The following HCFC1 variants were observed in gnomAD, a reference collection of about 807,000 sequenced individuals.
HCFC1 encodes host cell factor C1.
HCFC1 carries 7 observed loss-of-function variants against 105.5 expected under a neutral mutation model. The ratio of observed to expected loss-of-function variants is 0.07; its 90% CI spans 0.04 to 0.12. The LOEUF (loss-of-function observed/expected upper bound fraction) is 0.12. Among genes scored for constraint, HCFC1 ranks in the 10% least tolerant of loss-of-function variants. The probability of loss-of-function intolerance (pLI) is 1.00; values close to 1 mark genes in which losing one functional copy is unlikely to be tolerated. For synonymous variants in HCFC1, 918 were observed against 828.1 expected (o/e 1.11, Z -1.86); for missense variants, 1,065 against 1,823.6 (o/e 0.58, Z 7.58).
rs1416560803 is a variant in HCFC1, at chrX:153,951,855, G to A, written c.5246C>T (p.Ser1749Leu). 3 of 1,193,756 alleles carry A rather than the reference G, an allele frequency of 2.5e-6. No homozygotes were observed. Among genetic ancestry groups the A allele is most frequent in the Non-Finnish European group, 3.4e-6 (3 of 885,211 alleles). Residue 1749 changes from serine (S) to leucine (L), a missense_variant, in exon 20 of 26, where the codon TCA becomes TTA. By Grantham distance (145) the Ser-to-Leu change is moderately radical (BLOSUM62 -2). Coordinates refer to ENST00000310441, the MANE Select transcript of HCFC1 (RefSeq NM_005334.3). ...CAGTCGCTTACTCTCAGTGGCCGTT[G>A]AGGGCAGCAGCGCCACAGTGCTGGG... Reference protein sequence around the residue: ...TVPSTVALLPSTATESLAPSN... With the variant: ...TVPSTVALLPLTATESLAPSN...
Position 153,971,445 on chromosome X carries a change from G to A in HCFC1, c.-605C>T. Reference sequence around the variant, plus strand: ...AACAGCCTCGACACACCTAACGAATGGAGGCGGGCCGGAGGCCGGTGGAAC... The same window carrying A: ...AACAGCCTCGACACACCTAACGAATAGAGGCGGGCCGGAGGCCGGTGGAAC... On this transcript the variant is annotated 5_prime_UTR_variant, in exon 1 of 26. Transcript: ENST00000310441. The A allele has an allele frequency of 3.4e-6, 1 of 294,940 alleles. No individual in the cohort carries two copies. Among genetic ancestry groups the A allele is most frequent in the Non-Finnish European group, 5.9e-6 (1 of 168,660 alleles). 24.3% of individuals were successfully genotyped at this position (294,940 alleles called of 1,213,427 possible). A position where few individuals can be genotyped will look rare whatever the true frequency, so the allele number is the denominator to read the frequency against.
chrX:153,967,144 A>AC (rs782063478), intron 1 of HCFC1, among the ~76,000 whole-genome samples: 10 of 112,152 alleles, frequency 8.9e-5, no homozygotes, highest in African/African-American at 3.2e-4. Context: ...CTGAAAGCAC[A>AC]CGAGCAAGCT....
Position 153,955,423 on chromosome X carries a change from G to A in HCFC1, c.2976C>T (p.Ala992=), listed in dbSNP as rs374301198. ...LASPTTEQPT[A]TVTIADSGQG... ...GGCCTGAGTCGGCGATGGTAACTGT[G>A]GCGGTGGGCTGTTCTGTAGTCGGGG... Residue 992 remains alanine (A), a synonymous_variant, in exon 17 of 26, where the codon GCC becomes GCT. Transcript: ENST00000310441. 3.3e-6 allele frequency: 4 copies of A among 1,209,875 alleles called. No homozygotes were observed. The African/African-American group carries it at 7.0e-5, about 21-fold the overall frequency.
chrX:153,962,559 G>T (rs1264743495), intron 4 of HCFC1, among the ~76,000 whole-genome samples: 3 of 112,579 alleles, frequency 2.7e-5, no homozygotes, highest in African/African-American at 9.7e-5. Context: ...AGCCAGGACT[G>T]CACTCTGTGC....
At position 153,958,770 on chromosome X, in the gene HCFC1, C is replaced by T; in HGVS notation, c.1606-4G>A. 1.7e-6 allele frequency: 2 copies of T among 1,154,175 alleles called. No homozygotes were observed. The highest frequency in any genetic ancestry group is 2.3e-6 in the Non-Finnish European group (2 of 862,920). ...TCTGTGGGCTACTGCCAATCACCTG[C>T]AGCAGGCACGGGCATGTGAGGCCAG... is the stretch of plus-strand genomic sequence containing the variant. On this transcript the variant is annotated splice_region_variant and splice_polypyrimidine_tract_variant and intron_variant, in intron 9 of 25. Coordinates refer to ENST00000310441, the MANE Select transcript of HCFC1 (RefSeq NM_005334.3).
Position 153,952,295 on chromosome X carries a change from C to T in HCFC1, c.4943-137G>A, listed in dbSNP as rs971150128. ...GCTCCACTGTAGGCTAAGCCCTGGC[C>T]GAGGGGCCCTGCCTGTTTCCCAGGC... On this transcript the variant is annotated intron_variant, in intron 19 of 25. Transcript: ENST00000310441. 1.8e-5 allele frequency: 18 copies of T among 1,025,448 alleles called. No individual in the cohort carries two copies. In the African/African-American group the frequency reaches 2.3e-4, roughly 13 times the overall value. The allele number at this position is 1,025,448 out of a possible 1,213,427, so 84.5% of individuals were successfully genotyped here. A position where few individuals can be genotyped will look rare whatever the true frequency, so the allele number is the denominator to read the frequency against.
chrX:153,970,627 C>T (rs2065523296), intron 1 of HCFC1, 21 bp downstream of exon 1: 1 of 1,166,134 alleles, frequency 8.6e-7, no homozygotes, highest in East Asian at 3.1e-5. Context: ...GAGCCGAAGA[C>T]CCAGCGGGCT....
In HCFC1 at chrX:153,955,015, G is replaced by A. The variant is rs1569546750; in HGVS notation, c.3384C>T (p.Gly1128=). The A allele has an allele frequency of 6.6e-6, 8 of 1,209,649 alleles. No individual in the cohort carries two copies. The highest frequency in any genetic ancestry group is 7.8e-6 in the Non-Finnish European group (7 of 894,575). Residue 1128 remains glycine, a synonymous_variant, in exon 17 of 26, where the codon GGC becomes GGT. Transcript: ENST00000310441. ...GACGGGCATCTCGCTGGTGGTTGGC[G>A]CCGACGCTCGACATGGCTGTAGTGG... ...NTATTAMSSV[G]ANHQRDARRA... is the part of the protein sequence containing the mutation.
chrX:153,957,193 G>T, intron 13 of HCFC1, 121 bp downstream of exon 13: 1 of 966,818 alleles, frequency 1.0e-6, no homozygotes. Flanking sequence ...GACACAAAAG[G>T]CAGCAAGGAG....
In HCFC1 at chrX:153,955,205, C is replaced by A. The variant is rs1311007593; in HGVS notation, c.3194G>T (p.Gly1065Val). 8.3e-7 allele frequency: 1 copy of A among 1,209,826 alleles called. No individual in the cohort carries two copies. The highest frequency in any genetic ancestry group is 1.8e-5 in the South Asian group (1 of 56,828). Reference sequence around the variant, plus strand: ...TCGGACCACGCTACCATTCTGCTGGCCCACAGTCGAGGTCACAAGAGAAGC... The same window carrying A: ...TCGGACCACGCTACCATTCTGCTGGACCACAGTCGAGGTCACAAGAGAAGC... The part of the protein sequence containing the change: ...AAASLVTSTV[G>V]QQNGSVVRVC... The change falls in exon 17 of 26, where the codon GGC becomes GTC. Residue 1065 changes from glycine to valine, a missense_variant. By Grantham distance (109) the Gly-to-Val change is moderately radical. Around this residue, in one of 17 missense-constraint regions of HCFC1, gnomAD observed 546 missense variants for 599.9 expected, o/e 0.91. Coordinates refer to ENST00000310441, the MANE Select transcript of HCFC1 (RefSeq NM_005334.3).
intron 24 of HCFC1, 49 bp from the exon 25 acceptor site, chrX:153,949,665 G>T: frequency 9.3e-7 from 1 of 1,076,723 alleles, no homozygotes; most frequent in Non-Finnish European, 1.3e-6. Context: ...CAGAACGAGA[G>T]CAAGGAACAC....
At position 153,965,424 on chromosome X, in the gene HCFC1, T is replaced by A. The variant is rs1300480696; in HGVS notation, c.194-698A>T. ...GGGAAATCAGACCTTAGGCACTGCT[T>A]TGCTTCCACAGGATGGCACAGCAGC... On this transcript the variant is annotated intron_variant, in intron 1 of 25. Transcript: ENST00000310441. Among the ~76,000 whole-genome samples the A allele has an allele frequency of 4.7e-5, 3 of 63,525 alleles. No homozygotes were observed. The East Asian group carries it at 1.5e-3, about 32-fold the overall frequency. The allele number at this position is 63,525 out of a possible 115,157, so 55.2% of individuals were successfully genotyped here.
intron 9 of HCFC1, 100 bp downstream of exon 9, chrX:153,959,231 G>A (rs2148586350): frequency 1.1e-6 from 1 of 893,034 alleles, no homozygotes; most frequent in Non-Finnish European, 1.6e-6. Flanking sequence ...TGGGGTGCGT[G>A]GTACCAGAGC....
chrX:153,954,379 C>T lies in HCFC1; in HGVS notation c.4020G>A (p.Gly1340=). Residue 1340 remains glycine (G), a synonymous_variant, in exon 17 of 26, where the codon GGG becomes GGA. Transcript: ENST00000310441. ...GCCCACCCTCGGGCTGGCCCGTGCCCCCGTTTGAAGTAGCGGTGGTGGCCG... is the reference window on the plus strand; with the variant it reads ...GCCCACCCTCGGGCTGGCCCGTGCCTCCGTTTGAAGTAGCGGTGGTGGCCG... ...THTATTATSN[G]GTGQPEGGQQ... is the part of the protein sequence containing the mutation. 1 of 1,208,641 alleles carries T rather than the reference C, an allele frequency of 8.3e-7. No individual in the cohort carries two copies. The highest frequency in any genetic ancestry group is 1.1e-6 in the Non-Finnish European group (1 of 894,006).
chrX:153,950,732 A>G, intron 23 of HCFC1, 81 bp downstream of exon 23: 1 of 1,022,458 alleles, frequency 9.8e-7, no homozygotes, highest in South Asian at 2.0e-5. Flanking sequence ...TAGCTCTCCT[A>G]TGCCCCCCCC....
rs1557111900 is a variant in HCFC1, at chrX:153,949,582, G to T, written c.6039C>A (p.Ala2013=). ...TSKDSSGTKP[A]NKRPMSSPEM... is the part of the protein sequence containing the mutation. ...CTGGAGAGGACATGGGCCGCTTGTT[G>T]GCTGGCTTGGTGCCAGAGCTGTCTT... Residue 2013 remains alanine (A), a synonymous_variant, in exon 25 of 26, where the codon GCC becomes GCA. Coordinates refer to ENST00000310441, the MANE Select transcript of HCFC1 (RefSeq NM_005334.3). The T allele has an allele frequency of 8.3e-7, 1 of 1,211,258 alleles. No individual in the cohort carries two copies. Among genetic ancestry groups the T allele is most frequent in the South Asian group, 1.8e-5 (1 of 57,005 alleles).
chrX:153,957,379 G>A lies in HCFC1; in HGVS notation c.2288C>T (p.Pro763Leu). 1 of 1,208,645 alleles carries A rather than the reference G, an allele frequency of 8.3e-7. No individual in the cohort carries two copies. The highest frequency in any genetic ancestry group is 1.1e-6 in the Non-Finnish European group (1 of 893,451). Residue 763 changes from proline to leucine, a missense_variant, in exon 13 of 26, where the codon CCC becomes CTC. By Grantham distance (98) the Pro-to-Leu change is moderately conservative. This residue lies in a region of HCFC1 where 137 missense variants were observed against 378.2 expected (regional missense o/e 0.36). Transcript: ENST00000310441. ...GGTTTTGATGATGGTGGTCGTGCCG[G>A]GCTTGGTGGTACTGGGGGAGACGCT... The part of the protein sequence containing the change: ...ISSVSPSTTK[P>L]GTTTIIKTIP...
chrX:153,970,742 G>A lies in HCFC1; in HGVS notation c.99C>T (p.Arg33=), dbSNP rs372912123. 3 of 1,204,727 alleles carry A rather than the reference G, an allele frequency of 2.5e-6. No homozygotes were observed. The highest frequency in any genetic ancestry group is 3.4e-6 in the Non-Finnish European group (3 of 891,880). The change falls in exon 1 of 26, where the codon CGC becomes CGT. Residue 33 remains arginine, a synonymous_variant. Coordinates refer to ENST00000310441, the MANE Select transcript of HCFC1 (RefSeq NM_005334.3). Reference sequence around the variant, plus strand: ...TGATGGCCACGGCGCGGTGGCCGTGGCGGGGCCGTGGCACCGGACCCGACC... The same window carrying A: ...TGATGGCCACGGCGCGGTGGCCGTGACGGGGCCGTGGCACCGGACCCGACC... The part of the protein sequence containing the change: ...VGWSGPVPRP[R]HGHRAVAIKE...
chrX:153,965,161 C>A, intron 1 of HCFC1, among the ~76,000 whole-genome samples: 1 of 111,123 alleles, frequency 9.0e-6, no homozygotes, highest in South Asian at 3.8e-4. Context: ...TTTCAAGTGG[C>A]CAAAACAGTG....
Sources: gnomAD v4.1 joint callset for allele counts (sites outside exome capture counted in the v4.1 genomes callset) on GRCh38, gnomAD v4.1.1 for gene constraint, gnomAD v4.1.1 regional missense constraint, MANE v1.5 for transcripts, NCBI Gene and HGNC (gene_info 2026-07-23, HGNC 2026-07-21) for gene names.